The following MTUS1 variants were observed in gnomAD, a reference collection of about 807,000 sequenced individuals.
The protein encoded by MTUS1 is microtubule associated scaffold protein 1.
In MTUS1, 109 loss-of-function variants were observed where a neutral mutation model predicts 120.8. That is an observed-to-expected ratio of 0.90 (90% CI 0.77 to 1.06). The LOEUF (loss-of-function observed/expected upper bound fraction) is 1.06, where lower values mean the gene tolerates loss of function less well. Ranked by LOEUF, MTUS1 falls within the 50% of genes least tolerant of loss-of-function variation. MTUS1 has a pLI of 0.00. For missense variants in MTUS1, 2,210 were observed against 1,486.3 expected (o/e 1.49, Z -8.01); for synonymous variants, 737 against 550.5 (o/e 1.34, Z -4.74).
chr8:17,679,922 A>T lies in MTUS1; in HGVS notation c.2838+4406T>A, dbSNP rs1302051182. ...ACTTTATGCTCATCCTACATCTGGAATTCCATCCTCTCCGTTCATATGTTC... is the reference window on the plus strand; with the variant it reads ...ACTTTATGCTCATCCTACATCTGGATTTCCATCCTCTCCGTTCATATGTTC... On this transcript the variant is annotated intron_variant, in intron 7 of 14. Transcript: ENST00000693296. Among the ~76,000 whole-genome samples, 8 of 152,350 alleles carry T rather than the reference A, an allele frequency of 5.3e-5. No homozygotes were observed. The East Asian group carries it at 1.5e-3, about 29-fold the overall frequency.
chr8:17,711,941 T>C (rs1166737160), intron 6 of MTUS1, among the ~76,000 whole-genome samples: 1 of 152,158 alleles, frequency 6.6e-6, no homozygotes, highest in Non-Finnish European at 1.5e-5. Flanking sequence ...GCACTTGAAA[T>C]GCAAACGTAT....
chr8:17,694,561 G>C (rs79646671), intron 6 of MTUS1, among the ~76,000 whole-genome samples: 2 of 151,778 alleles, frequency 1.3e-5, no homozygotes, highest in Non-Finnish European at 2.9e-5. Context: ...CCAGCTACTC[G>C]GGAGGCTGAG....
chr8:17,747,538 C>T (rs1459975454), intron 2 of MTUS1, among the ~76,000 whole-genome samples: 1 of 152,166 alleles, frequency 6.6e-6, no homozygotes, highest in African/African-American at 2.4e-5. Flanking sequence ...AGGCAAAAAC[C>T]CTGAAACCCA....
chr8:17,685,662 C>T (rs2130783872), intron 6 of MTUS1, among the ~76,000 whole-genome samples: 1 of 150,270 alleles, frequency 6.7e-6, no homozygotes, highest in East Asian at 2.0e-4. Flanking sequence ...GAACAAATGG[C>T]TAAATATATT....
At chr8:17,693,901 G>C (rs1356042139) in intron 6 of MTUS1, among the ~76,000 whole-genome samples, 2 of 152,166 alleles carry the variant, frequency 1.3e-5, no homozygotes, top group African/African-American at 4.8e-5. Flanking sequence ...TGAAACGAAT[G>C]AATTAATCTG....
In MTUS1 at chr8:17,734,886, T is replaced by C. The variant is rs115445554; in HGVS notation, c.2287+8718A>G. 6.9e-3 allele frequency among the ~76,000 whole-genome samples: 1,048 copies of C among 152,214 alleles called. 11 individuals carry two copies. The highest frequency in any genetic ancestry group is 0.024 in the African/African-American group (1,008 of 41,542). On this transcript the variant is annotated intron_variant, in intron 3 of 14. Transcript: ENST00000693296. Reference sequence around the variant, plus strand: ...ACTGAGCAATGAGGTGGTGAGATCATTGAGACCTCAAAACTTCACACCAAC... The same window carrying C: ...ACTGAGCAATGAGGTGGTGAGATCACTGAGACCTCAAAACTTCACACCAAC...
chr8:17,671,647 G>T (rs1812046260), intron 8 of MTUS1, among the ~76,000 whole-genome samples: 1 of 152,220 alleles, frequency 6.6e-6, no homozygotes, highest in Non-Finnish European at 1.5e-5. Flanking sequence ...GATGCGGAAG[G>T]TGGAAAGCAC....
chr8:17,730,796 T>C (rs147125323), intron 3 of MTUS1, among the ~76,000 whole-genome samples: 1 of 151,896 alleles, frequency 6.6e-6, no homozygotes, highest in East Asian at 1.9e-4. Flanking sequence ...GAACATAGAG[T>C]GGTGAGTGCC....
intron 3 of MTUS1, among the ~76,000 whole-genome samples, chr8:17,739,920 T>C (rs2047188967): frequency 1.3e-5 from 2 of 152,186 alleles, no homozygotes. Flanking sequence ...TGGTCTCATA[T>C]AATATATTTC....
intron 8 of MTUS1, among the ~76,000 whole-genome samples, chr8:17,660,902 T>C (rs546861695): frequency 6.6e-5 from 10 of 152,244 alleles, no homozygotes; most frequent in South Asian, 2.1e-4. Context: ...GCAGAGAAGA[T>C]AGAACCCAAA....
intron 13 of MTUS1, 93 bp from the exon 14 acceptor site, chr8:17,647,172 G>T: frequency 1.1e-6 from 1 of 920,660 alleles, no homozygotes; most frequent in Non-Finnish European, 1.7e-6. Flanking sequence ...ACACTTTGGA[G>T]ATTTAATTAA....
At chr8:17,741,152 T>G (rs925336475) in intron 3 of MTUS1, among the ~76,000 whole-genome samples, 2 of 152,064 alleles carry the variant, frequency 1.3e-5, no homozygotes, top group African/African-American at 4.8e-5. Flanking sequence ...GTGCTGGGAT[T>G]ACAAGCGTGA....
At position 17,769,625 on chromosome 8, in the gene MTUS1, G is replaced by T. The variant is rs1423369430; in HGVS notation, c.-154-13664C>A. 2.6e-5 allele frequency among the ~76,000 whole-genome samples: 4 copies of T among 152,146 alleles called. No homozygotes were observed. In the East Asian group the frequency reaches 5.8e-4, roughly 22 times the overall value. On this transcript the variant is annotated intron_variant, in intron 1 of 14. Transcript: ENST00000693296. Reference sequence around the variant, plus strand: ...GCCTCCCAAAGTGCTGGGATTACAGGCGTGAGCCACCCGCGCCCGGCCCTT... The same window carrying T: ...GCCTCCCAAAGTGCTGGGATTACAGTCGTGAGCCACCCGCGCCCGGCCCTT...
chr8:17,725,976 C>G (rs1214719740), intron 3 of MTUS1, among the ~76,000 whole-genome samples: 4 of 152,096 alleles, frequency 2.6e-5, no homozygotes, highest in Admixed American at 2.6e-4. Context: ...TGATCCCTAC[C>G]CACTTCTTCC....
rs575282380 is a variant in MTUS1 at position 17,653,221 on chromosome 8, C to G, written c.3349G>C (p.Glu1117Gln). The change falls in exon 12 of 15, where the codon GAA becomes CAA. Residue 1117 changes from glutamate (E) to glutamine (Q), a missense_variant. Transcript: ENST00000693296. The part of the protein sequence containing the change: ...DALNEKLKSE[E>Q]QKRRAREKAN... ...TTTTCTCTTGCTCTTCTTTTTTGTTCTTCTGATTTCAATTTTTCATTTAAA... is the reference window on the plus strand; with the variant it reads ...TTTTCTCTTGCTCTTCTTTTTTGTTGTTCTGATTTCAATTTTTCATTTAAA... The G allele has an allele frequency of 6.4e-7, 1 of 1,554,474 alleles. No homozygotes were observed. The highest frequency in any genetic ancestry group is 2.3e-5 in the East Asian group (1 of 43,906).
chr8:17,790,737 A>G (rs1234524286), intron 1 of MTUS1, among the ~76,000 whole-genome samples: 1 of 152,242 alleles, frequency 6.6e-6, no homozygotes, highest in Admixed American at 6.5e-5. Context: ...CTATAATCCC[A>G]GCACTTCGGG....
At chr8:17,671,268 T>C (rs3862089) in intron 8 of MTUS1, among the ~76,000 whole-genome samples, 115,082 of 151,232 alleles carry the variant, frequency 0.76, 43,985 homozygotes, top group East Asian at 0.88. Context: ...TTTTCATACA[T>C]TGTTCTAAAA....
intron 1 of MTUS1, among the ~76,000 whole-genome samples, chr8:17,788,988 A>T (rs187741443): frequency 4.4e-4 from 67 of 152,194 alleles, no homozygotes; most frequent in Non-Finnish European, 1.0e-4. Flanking sequence ...CTGTACAGTT[A>T]TGCTAAAGAA....
chr8:17,689,566 A>C (rs922604288), intron 6 of MTUS1, among the ~76,000 whole-genome samples: 2 of 152,180 alleles, frequency 1.3e-5, no homozygotes, highest in Admixed American at 6.5e-5. Context: ...TTATGTACCT[A>C]AAATGGACTC....
Sources: allele counts gnomAD v4.1 joint callset (sites outside exome capture counted in the v4.1 genomes callset), GRCh38; gene constraint gnomAD v4.1.1; transcripts MANE v1.5; gene names NCBI Gene and HGNC (gene_info 2026-07-23, HGNC 2026-07-21).